Variants in CHM observed in about 807,000 individuals in gnomAD.
CHM encodes the protein rab proteins geranylgeranyltransferase component A 1.
A neutral mutation model predicts 49.0 loss-of-function variants in CHM; 10 were observed. The observed-to-expected ratio is 0.20, with a 90% CI of 0.13 to 0.35. The LOEUF (loss-of-function observed/expected upper bound fraction) is 0.35. CHM is among the 10% of genes least tolerant of loss of function. CHM has a pLI of 1.00. For synonymous variants in CHM, 184 were observed against 167.5 expected (o/e 1.10, Z -0.76); for missense variants, 455 against 478.4 (o/e 0.95, Z 0.46).
At chrX:85,900,761 C>G (rs374589433) in intron 10 of CHM, 52 bp from the exon 11 acceptor site, 1 of 906,150 alleles carries the variant, frequency 1.1e-6, no homozygotes, top group African/African-American at 2.0e-5. Flanking sequence ...GGATAAGTTT[C>G]GTTTATAGTT....
At chrX:85,967,706 A>G (rs1169150496) in intron 4 of CHM, among the ~76,000 whole-genome samples, 1 of 112,041 alleles carries the variant, frequency 8.9e-6, no homozygotes, top group African/African-American at 3.2e-5. Context: ...TTTAATTCCA[A>G]AGGTCATTTA....
intron 14 of CHM, among the ~76,000 whole-genome samples, chrX:85,866,084 C>G (rs1923671319): frequency 8.9e-6 from 1 of 112,696 alleles, no homozygotes; most frequent in Non-Finnish European, 1.9e-5. Context: ...TAGCAATTTG[C>G]ATGAGCAATG....
rs1040329423 is a variant in CHM, at chrX:85,958,937, T to G, written c.743A>C (p.Lys248Thr). Residue 248 changes from lysine (K) to threonine (T), a missense_variant, in exon 6 of 15, where the codon AAA (lysine) becomes ACA (threonine). Lys to Thr is a moderately conservative substitution (Grantham distance 78). Transcript: ENST00000357749. ...SRGLLIDLLI[K>T]SNVSRYAEFK... is the part of the protein sequence containing the mutation. ...CTCTGCATATCGACTAACATTAGAT[T>G]TGATTAGAAGATCAATTAGTAATCC... is the stretch of plus-strand genomic sequence containing the variant. The G allele has an allele frequency of 2.7e-5, 33 of 1,209,732 alleles. No homozygotes were observed. The highest frequency in any genetic ancestry group is 3.7e-5 in the Non-Finnish European group (33 of 895,098).
intron 4 of CHM, among the ~76,000 whole-genome samples, chrX:85,973,300 CAAAAAAAAAA>C (rs58103002): frequency 3.1e-4 from 5 of 16,331 alleles, no homozygotes; most frequent in African/African-American, 5.7e-4. Flanking sequence ...TCTGTCTCGA[CAAAAAAAAAA>C]AAAAAAAAAA....
At chrX:85,976,013 T>A (rs184504647) in intron 4 of CHM, among the ~76,000 whole-genome samples, 225 of 112,494 alleles carry the variant, frequency 2.0e-3, no homozygotes, top group African/African-American at 6.8e-3. Context: ...GAGAATTTTC[T>A]AGATAACAAA....
At chrX:85,917,328 A>C (rs1269361358) in intron 8 of CHM, among the ~76,000 whole-genome samples, 1 of 111,411 alleles carries the variant, frequency 9.0e-6, no homozygotes, top group Non-Finnish European at 1.9e-5. Context: ...AGGATCAGGA[A>C]AAATAACTAT....
At chrX:85,920,287 G>A (rs1347012296) in intron 8 of CHM, among the ~76,000 whole-genome samples, 1 of 109,665 alleles carries the variant, frequency 9.1e-6, no homozygotes, top group Non-Finnish European at 1.9e-5. Context: ...TAGTAGAGAC[G>A]GGGTTTCACC....
chrX:86,046,967 T>C (rs1569266400), intron 1 of CHM, among the ~76,000 whole-genome samples: 2 of 111,729 alleles, frequency 1.8e-5, no homozygotes, highest in African/African-American at 3.3e-5. Context: ...CCCTAGTAAA[T>C]TCATACGCAC....
chrX:86,011,034 C>T (rs1933050724), intron 2 of CHM, among the ~76,000 whole-genome samples: 1 of 111,640 alleles, frequency 9.0e-6, no homozygotes, highest in Non-Finnish European at 1.9e-5. Flanking sequence ...TTACTACCAA[C>T]AGCACAGTGG....
intron 2 of CHM, among the ~76,000 whole-genome samples, chrX:85,984,098 A>T (rs1352412270): frequency 9.0e-6 from 1 of 110,669 alleles, no homozygotes; most frequent in African/African-American, 3.3e-5. Flanking sequence ...GCTACTCAGG[A>T]GGCTGAGGTA....
intron 2 of CHM, among the ~76,000 whole-genome samples, chrX:86,016,105 C>T (rs1371101606): frequency 9.1e-6 from 1 of 110,187 alleles, no homozygotes; most frequent in Non-Finnish European, 1.9e-5. Flanking sequence ...TGCACTCTGG[C>T]CTAGGAGACA....
intron 3 of CHM, among the ~76,000 whole-genome samples, chrX:85,981,206 C>CTATTTCTATA (rs1555958595): frequency 5.5e-5 from 3 of 54,366 alleles, no homozygotes; most frequent in East Asian, 3.9e-4. Context: ...ATTTCTATTT[C>CTATTTCTATA]TATATATATA....
intron 8 of CHM, among the ~76,000 whole-genome samples, chrX:85,912,931 T>C (rs1052127948): frequency 1.3e-4 from 13 of 102,638 alleles, no homozygotes; most frequent in African/African-American, 4.7e-4. Flanking sequence ...GAGAATTGCT[T>C]GAATCTGGGA....
intron 14 of CHM, among the ~76,000 whole-genome samples, chrX:85,866,549 C>G (rs1452198224): frequency 8.9e-6 from 1 of 112,683 alleles, no homozygotes; most frequent in Non-Finnish European, 1.9e-5. Context: ...TTTAGTGGAG[C>G]TGTAAGAAGA....
At chrX:85,885,461 G>A (rs1278031374) in intron 12 of CHM, among the ~76,000 whole-genome samples, 1 of 110,259 alleles carries the variant, frequency 9.1e-6, no homozygotes, top group African/African-American at 3.3e-5. Context: ...CCATAATTTT[G>A]TAATAAGTAT....
At chrX:86,020,813 GA>G (rs1933509407) in intron 2 of CHM, among the ~76,000 whole-genome samples, 1 of 101,392 alleles carries the variant, frequency 9.9e-6, no homozygotes, top group Non-Finnish European at 2.0e-5. Context: ...AAGAGCAGTA[GA>G]TGCTCTTATA....
chrX:85,865,382 T>C (rs1486715497), intron 14 of CHM, among the ~76,000 whole-genome samples: 1 of 111,820 alleles, frequency 8.9e-6, no homozygotes, highest in Non-Finnish European at 1.9e-5. Flanking sequence ...CCCTTCACCC[T>C]CTGCTATGAT....
intron 5 of CHM, 141 bp downstream of exon 5, chrX:85,963,524 G>A (rs1930403784): frequency 4.1e-6 from 2 of 487,917 alleles, no homozygotes; most frequent in South Asian, 3.2e-5. Context: ...TTGTACTTAA[G>A]GAATATTTTA....
intron 6 of CHM, 130 bp from the exon 7 acceptor site, chrX:85,958,105 C>T (rs1930097505): frequency 5.1e-6 from 4 of 782,879 alleles, no homozygotes; most frequent in East Asian, 3.6e-5. Flanking sequence ...TTCACATCAC[C>T]GTCCATCAGT....
Sources: allele counts gnomAD v4.1 joint callset (sites outside exome capture counted in the v4.1 genomes callset), GRCh38; gene constraint gnomAD v4.1.1; transcripts MANE v1.5; gene names NCBI Gene and HGNC (gene_info 2026-07-23, HGNC 2026-07-21).